Variants in DPYD observed in about 807,000 individuals in gnomAD.
DPYD encodes the protein dihydropyrimidine dehydrogenase, also known as dihydropyrimidine dehydrogenase [NADP(+)].
DPYD carries 109 observed loss-of-function variants against 116.2 expected under a neutral mutation model. That is an observed-to-expected ratio of 0.94 (90% CI 0.80 to 1.10). The LOEUF is 1.10. DPYD is among the 50% of genes least tolerant of loss of function. The pLI is 0.00. For missense variants in DPYD, 1,302 were observed against 1,254.5 expected (o/e 1.04, Z -0.57); for synonymous variants, 440 against 432.0 (o/e 1.02, Z -0.23).
At chr1:97,886,067 T>G (rs1672470242) in intron 1 of DPYD, among the ~76,000 whole-genome samples, 1 of 152,076 alleles carries the variant, frequency 6.6e-6, no homozygotes, top group South Asian at 2.1e-4. Context: ...CTCTGGAAAT[T>G]TGCCTTAAGG....
chr1:97,641,174 TG>T (rs1557855356), intron 8 of DPYD, among the ~76,000 whole-genome samples: 1 of 152,124 alleles, frequency 6.6e-6, no homozygotes, highest in African/African-American at 2.4e-5. Context: ...GTTGATTAGA[TG>T]GGGGATGAAC....
intron 19 of DPYD, among the ~76,000 whole-genome samples, chr1:97,203,873 T>C (rs1289047847): frequency 7.0e-6 from 1 of 142,770 alleles, no homozygotes; most frequent in Non-Finnish European, 1.5e-5. Flanking sequence ...ACATCTCAAA[T>C]AGTCCTGACT....
intron 8 of DPYD, among the ~76,000 whole-genome samples, chr1:97,674,836 G>A (rs1660055573): frequency 6.6e-6 from 1 of 152,072 alleles, no homozygotes; most frequent in South Asian, 2.1e-4. Flanking sequence ...TCTTAGCACA[G>A]TGTTTGGGAC....
chr1:97,223,196 T>G (rs952481523), intron 19 of DPYD, among the ~76,000 whole-genome samples: 4 of 152,086 alleles, frequency 2.6e-5, no homozygotes, highest in Non-Finnish European at 5.9e-5. Context: ...AAAATTCCAT[T>G]TAGCTTGAAC....
At chr1:97,295,850 T>C (rs1247994805) in intron 18 of DPYD, 1 of 694,590 alleles carries the variant, frequency 1.4e-6, no homozygotes, top group African/African-American at 1.9e-5. Context: ...GTGAAATATG[T>C]TAGTGGTTTT....
intron 3 of DPYD, among the ~76,000 whole-genome samples, chr1:97,795,416 T>C (rs1667517200): frequency 6.6e-6 from 1 of 152,076 alleles, no homozygotes; most frequent in Admixed American, 6.6e-5. Flanking sequence ...CATAATTAAC[T>C]ACTCAACATT....
chr1:97,433,670 G>T (rs964403101), intron 14 of DPYD, among the ~76,000 whole-genome samples: 3 of 152,100 alleles, frequency 2.0e-5, no homozygotes, highest in Non-Finnish European at 4.4e-5. Flanking sequence ...TAACCATATG[G>T]TATCTATTAT....
chr1:97,540,841 TAC>T (rs374076393), intron 12 of DPYD, among the ~76,000 whole-genome samples: 25 of 151,372 alleles, frequency 1.7e-4, no homozygotes, highest in South Asian at 4.2e-4. Context: ...CTCATTAGCA[TAC>T]ACACACACAC....
At chr1:97,921,046 C>T, upstream of DPYD, 7 of 1,270,102 alleles carry the variant, frequency 5.5e-6, no homozygotes, top group South Asian at 5.3e-5. Flanking sequence ...GGGCCGGCGG[C>T]GCGGGGGCGG....
chr1:97,293,908 A>G (rs1293644735), intron 18 of DPYD, among the ~76,000 whole-genome samples: 2 of 152,106 alleles, frequency 1.3e-5, no homozygotes, highest in African/African-American at 4.8e-5. Context: ...AGATCACACC[A>G]CTGAACTCCA....
At chr1:97,393,627 C>T (rs2101610114) in intron 14 of DPYD, among the ~76,000 whole-genome samples, 1 of 152,164 alleles carries the variant, frequency 6.6e-6, no homozygotes, top group East Asian at 1.9e-4. Flanking sequence ...ATGGACTCAT[C>T]CTTTTTTATG....
At chr1:97,699,668 T>C in intron 5 of DPYD, 121 bp from the exon 6 acceptor site, 1 of 934,044 alleles carries the variant, frequency 1.1e-6, no homozygotes, top group Non-Finnish European at 1.7e-6. Context: ...TTTTCAGTAT[T>C]AATATGGTAT....
chr1:97,344,825 A>G (rs562471377), intron 16 of DPYD, among the ~76,000 whole-genome samples: 1 of 152,028 alleles, frequency 6.6e-6, no homozygotes, highest in Non-Finnish European at 1.5e-5. Flanking sequence ...ATGTACTATA[A>G]TTTTTATAGG....
chr1:97,657,837 T>G lies in DPYD; in HGVS notation c.850+21258A>C, dbSNP rs1285632355. Reference sequence around the variant, plus strand: ...TGTTGAAGACTGGTAGTTTCTGAAATTCTTCTCAGAGACCATGCACTAGAA... The same window carrying G: ...TGTTGAAGACTGGTAGTTTCTGAAAGTCTTCTCAGAGACCATGCACTAGAA... On this transcript the variant is annotated intron_variant, in intron 8 of 22. Coordinates refer to ENST00000370192, the MANE Select transcript of DPYD (RefSeq NM_000110.4). Among the ~76,000 whole-genome samples, 3 of 152,318 alleles carry G rather than the reference T, an allele frequency of 2.0e-5. No individual in the cohort carries two copies. The East Asian group carries it at 5.8e-4, about 29-fold the overall frequency.
chr1:97,349,142 A>G (rs1478235132), intron 16 of DPYD, among the ~76,000 whole-genome samples: 2 of 152,270 alleles, frequency 1.3e-5, no homozygotes, highest in East Asian at 3.9e-4. Context: ...TGATCTAGAA[A>G]GTACGAATAA....
At chr1:97,670,537 AC>A (rs1209994405) in intron 8 of DPYD, among the ~76,000 whole-genome samples, 4 of 152,172 alleles carry the variant, frequency 2.6e-5, no homozygotes, top group Non-Finnish European at 4.4e-5. Flanking sequence ...CTTCACCAGA[AC>A]CCAGCCATGC....
chr1:97,811,863 T>G (rs1668364582), intron 3 of DPYD, among the ~76,000 whole-genome samples: 1 of 142,282 alleles, frequency 7.0e-6, no homozygotes, highest in Non-Finnish European at 1.5e-5. Context: ...ATAAAGAGTC[T>G]GAGGTCATTA....
At chr1:97,601,657 C>T (rs1333606516) in intron 8 of DPYD, among the ~76,000 whole-genome samples, 1 of 151,890 alleles carries the variant, frequency 6.6e-6, no homozygotes, top group Non-Finnish European at 1.5e-5. Flanking sequence ...TTATGTCTTA[C>T]TTCTAAGGGA....
chr1:97,159,774 T>G (rs892684042), intron 20 of DPYD, among the ~76,000 whole-genome samples: 3 of 152,226 alleles, frequency 2.0e-5, no homozygotes, highest in East Asian at 3.9e-4. Context: ...AAATACATTC[T>G]GTTCCTTTTA....
Sources: allele counts gnomAD v4.1 joint callset (sites outside exome capture counted in the v4.1 genomes callset), GRCh38; gene constraint gnomAD v4.1.1; transcripts MANE v1.5; gene names NCBI Gene and HGNC (gene_info 2026-07-23, HGNC 2026-07-21).